RGS5: variants seen among roughly 807,000 people sequenced by gnomAD.
RGS5 encodes the protein regulator of G protein signaling 5.
In RGS5, 20 loss-of-function variants were observed where a neutral mutation model predicts 18.9. That is an observed-to-expected ratio of 1.06 (90% CI 0.74 to 1.54). RGS5 has a LOEUF of 1.54. Among genes scored for constraint, RGS5 ranks in the 40% most tolerant of loss-of-function variants. The pLI is 0.00. For synonymous variants in RGS5, 57 were observed against 76.2 expected (o/e 0.75, Z 1.31); for missense variants, 201 against 211.8 (o/e 0.95, Z 0.32).
intron 2 of RGS5, among the ~76,000 whole-genome samples, chr1:163,226,366 A>C (rs1287476674): frequency 1.3e-5 from 2 of 152,218 alleles, no homozygotes; most frequent in Non-Finnish European, 2.9e-5. Context: ...GGAAGCAGCT[A>C]CCACCTCTAG....
At position 163,143,012 on chromosome 1, in the gene RGS5, T is replaced by G. The variant is rs371057977; in HGVS notation, c.*4330A>C. On this transcript the variant is annotated 3_prime_UTR_variant, in exon 5 of 5. Transcript: ENST00000313961. ...GTTGTTGCCGTGGCCTGTGACTCTC[T>G]GCTGTAAGTTTCCATTCAAAGCCAG... 6.6e-6 allele frequency: 1 copy of G among 152,228 alleles called. No individual in the cohort carries two copies. Among genetic ancestry groups the G allele is most frequent in the East Asian group, 1.9e-4 (1 of 5,206 alleles). The allele number at this position is 152,228 out of a possible 1,614,324, so 9.4% of individuals were successfully genotyped here.
intron 1 of RGS5, chr1:163,172,557 C>A: frequency 6.5e-7 from 1 of 1,549,674 alleles, no homozygotes; most frequent in East Asian, 2.4e-5. Context: ...GACTAACATA[C>A]CAGAACATCA....
At chr1:163,180,618 G>GTAA (rs35942627) in intron 1 of RGS5, among the ~76,000 whole-genome samples, 21,001 of 149,848 alleles carry the variant, frequency 0.14, 1,655 homozygotes, top group Non-Finnish European at 0.18. Context: ...CTACAGTTAG[G>GTAA]ATACAGAACA....
chr1:163,185,352 G>A (rs1459134315), intron 1 of RGS5, among the ~76,000 whole-genome samples: 1 of 152,114 alleles, frequency 6.6e-6, no homozygotes, highest in Admixed American at 6.5e-5. Context: ...AAATTGTCCA[G>A]GAAGATCAGG....
At chr1:163,258,968 T>G (rs1250884464) in intron 2 of RGS5, among the ~76,000 whole-genome samples, 1 of 151,512 alleles carries the variant, frequency 6.6e-6, no homozygotes, top group Non-Finnish European at 1.5e-5. Flanking sequence ...TGAGCCACCA[T>G]GCCCTGCCAA....
chr1:163,159,090 T>G (rs1447943910), intron 3 of RGS5, among the ~76,000 whole-genome samples: 1 of 152,162 alleles, frequency 6.6e-6, no homozygotes, highest in Non-Finnish European at 1.5e-5. Flanking sequence ...GCAGTCAGAG[T>G]TTAAGGTTGT....
At chr1:163,176,489 T>G (rs1658564028) in intron 1 of RGS5, among the ~76,000 whole-genome samples, 2 of 151,938 alleles carry the variant, frequency 1.3e-5, no homozygotes, top group Admixed American at 6.6e-5. Flanking sequence ...TGAGTGGTGG[T>G]GCATGCCTGC....
At chr1:163,246,051 T>C (rs12735271) in intron 2 of RGS5, among the ~76,000 whole-genome samples, 306 of 149,310 alleles carry the variant, frequency 2.0e-3, no homozygotes, top group Non-Finnish European at 3.6e-3. Context: ...CCGTCTCTAC[T>C]AAAAAAATAC....
chr1:163,320,227 C>G (rs920443787), intron 1 of RGS5, among the ~76,000 whole-genome samples: 3 of 152,082 alleles, frequency 2.0e-5, no homozygotes, highest in African/African-American at 7.2e-5. Flanking sequence ...GAGCACTTGC[C>G]ACTTGCAAGG....
chr1:163,202,078 T>C (rs10218752), intron 1 of RGS5, among the ~76,000 whole-genome samples: 26,299 of 152,020 alleles, frequency 0.17, 2,351 homozygotes, highest in Middle Eastern at 0.27. Flanking sequence ...TTTGATGCAT[T>C]TGTCTGAAAA....
At chr1:163,298,534 AGAG>A (rs1290966020) in intron 2 of RGS5, among the ~76,000 whole-genome samples, 6 of 152,082 alleles carry the variant, frequency 3.9e-5, no homozygotes, top group African/African-American at 1.2e-4. Flanking sequence ...CAGGGGAGTA[AGAG>A]GAGGGAATGC....
chr1:163,303,316 A>G (rs1649612447), intron 2 of RGS5, among the ~76,000 whole-genome samples: 1 of 152,224 alleles, frequency 6.6e-6, no homozygotes, highest in South Asian at 2.1e-4. Flanking sequence ...CAAATCTGCA[A>G]CTACGGTATC....
In RGS5 at chr1:163,184,226, A is replaced by G. The variant is rs1658973469; in HGVS notation, c.45-15858T>C. On this transcript the variant is annotated intron_variant, in intron 1 of 4. Transcript: ENST00000313961. The stretch of plus-strand genomic sequence containing the variant: ...GGCTGAGTACACTTTTCTAGACTGT[A>G]GACATGAACCATTTTAAACAAATAG... 3.3e-5 allele frequency among the ~76,000 whole-genome samples: 5 copies of G among 152,170 alleles called. No homozygotes were observed. In the South Asian group the frequency reaches 1.0e-3, roughly 32 times the overall value.
intron 2 of RGS5, among the ~76,000 whole-genome samples, chr1:163,302,164 G>A (rs898298330): frequency 2.0e-5 from 3 of 152,144 alleles, no homozygotes; most frequent in Admixed American, 6.5e-5. Flanking sequence ...AGAAGAATAA[G>A]TAGTAAGTAA....
At chr1:163,297,149 G>C (rs1649441213) in intron 2 of RGS5, among the ~76,000 whole-genome samples, 1 of 152,144 alleles carries the variant, frequency 6.6e-6, no homozygotes, top group South Asian at 2.1e-4. Flanking sequence ...ATTTATTAGA[G>C]AAGGTAGGAA....
chr1:163,281,293 A>G (rs1001308313), intron 2 of RGS5, among the ~76,000 whole-genome samples: 7 of 152,094 alleles, frequency 4.6e-5, no homozygotes, highest in African/African-American at 1.7e-4. Flanking sequence ...GGACTAATAC[A>G]TTGGGTAATT....
chr1:163,309,925 G>A (rs1571355855), intron 1 of RGS5, among the ~76,000 whole-genome samples: 1 of 152,280 alleles, frequency 6.6e-6, no homozygotes, highest in East Asian at 1.9e-4. Flanking sequence ...GTATTAGCAG[G>A]CAAGAAGCAA....
intron 2 of RGS5, among the ~76,000 whole-genome samples, chr1:163,263,214 C>T (rs1280768395): frequency 6.6e-6 from 1 of 152,134 alleles, no homozygotes; most frequent in Non-Finnish European, 1.5e-5. Context: ...TCTATGGGCC[C>T]ACTCTATCTA....
At chr1:163,186,619 A>G (rs2102422589) in intron 1 of RGS5, among the ~76,000 whole-genome samples, 1 of 151,806 alleles carries the variant, frequency 6.6e-6, no homozygotes, top group Non-Finnish European at 1.5e-5. Flanking sequence ...GAAAAAAAGC[A>G]AAGACAGACA....
Sources: gnomAD v4.1 joint callset for allele counts (sites outside exome capture counted in the v4.1 genomes callset) on GRCh38, gnomAD v4.1.1 for gene constraint, MANE v1.5 for transcripts, NCBI Gene and HGNC (gene_info 2026-07-23, HGNC 2026-07-21) for gene names.